The following BAHD1 variants were observed in gnomAD, a reference collection of about 807,000 sequenced individuals.
BAHD1 encodes bromo adjacent homology domain-containing 1 protein.
Under a neutral mutation model 63.1 loss-of-function variants are expected in BAHD1, and 20 were observed. That is an observed-to-expected ratio of 0.32 (90% CI 0.22 to 0.46). The LOEUF (loss-of-function observed/expected upper bound fraction) is 0.46. Among genes scored for constraint, BAHD1 ranks in the 20% least tolerant of loss-of-function variants. The pLI, the probability that BAHD1 is intolerant of heterozygous loss-of-function variation, is 1.00. For missense variants in BAHD1, 939 were observed against 1,071.8 expected (o/e 0.88, Z 1.73); for synonymous variants, 408 against 426.8 (o/e 0.96, Z 0.54).
upstream of BAHD1, among the ~76,000 whole-genome samples, chr15:40,439,492 C>T (rs900712593): frequency 6.6e-6 from 1 of 152,214 alleles, no homozygotes; most frequent in Non-Finnish European, 1.5e-5. Context: ...CCCTCCGAAG[C>T]CCCTGGGCCA....
At chr15:40,443,323 A>C (rs1051950272) in intron 1 of BAHD1, 78 of 985,166 alleles carry the variant, frequency 7.9e-5, no homozygotes, top group Non-Finnish European at 9.3e-5. Flanking sequence ...GCTTGTGAGA[A>C]AGGTAGGTAT....
At chr15:40,449,777 A>G (rs562877614) in intron 1 of BAHD1, among the ~76,000 whole-genome samples, 4 of 151,042 alleles carry the variant, frequency 2.6e-5, no homozygotes, top group African/African-American at 9.7e-5. Context: ...CCACTGCCCT[A>G]CTACTGCAGC....
In BAHD1 at chr15:40,446,980, CT is replaced by C. The variant is rs932750835; in HGVS notation, c.-15+5713del. ...GCAGCCCACACAGACCCTTTTCCAA[CT>C]CTGGTTACCTGTCCACAATGTTTAG... On this transcript the variant is annotated intron_variant, in intron 1 of 6. Transcript: ENST00000416165. Among the ~76,000 whole-genome samples the C allele has an allele frequency of 5.0e-4, 76 of 152,330 alleles. 1 individual carries two copies. Among genetic ancestry groups the C allele is most frequent in the African/African-American group, 1.7e-3 (71 of 41,562 alleles).
At chr15:40,438,951 TCCA>T (rs1893331041), upstream of BAHD1, among the ~76,000 whole-genome samples, 1 of 152,150 alleles carries the variant, frequency 6.6e-6, no homozygotes, top group African/African-American at 2.4e-5. Flanking sequence ...TGCTGTACCC[TCCA>T]CCACCAATCT....
At chr15:40,457,748 G>T (rs1398201403) in intron 1 of BAHD1, among the ~76,000 whole-genome samples, 1 of 152,242 alleles carries the variant, frequency 6.6e-6, no homozygotes, top group Non-Finnish European at 1.5e-5. Context: ...AGTGGCTCAC[G>T]CCTGTAATCC....
At chr15:40,438,430 G>C (rs1346915239), upstream of BAHD1, among the ~76,000 whole-genome samples, 2 of 152,272 alleles carry the variant, frequency 1.3e-5, no homozygotes, top group Admixed American at 6.5e-5. Flanking sequence ...CAGTGAGCTG[G>C]CACAGGAGGA....
Position 40,466,044 on chromosome 15 carries a change from C to G in BAHD1, c.2257C>G (p.Pro753Ala). The G allele has an allele frequency of 6.2e-7, 1 of 1,614,144 alleles. No individual in the cohort carries two copies. Among genetic ancestry groups the G allele is most frequent in the Non-Finnish European group, 8.5e-7 (1 of 1,179,982 alleles). ...DYSTPPHRTV[P>A]EDTDPELVFL... ...TTCCACCCCACCCCACCGCACAGTG[C>G]CAGAGGACACGGACCCTGAGCTGGT... The change falls in exon 7 of 7, where the codon CCA becomes GCA. Residue 753 changes from proline (P) to alanine (A), a missense_variant. Physicochemically the swap from Pro to Ala is conservative, Grantham distance 27 (BLOSUM62 -1). This residue lies in a region of BAHD1 where 68 missense variants were observed against 86.2 expected (regional missense o/e 0.79). Transcript: ENST00000416165.
At position 40,459,800 on chromosome 15, in the gene BAHD1, G is replaced by A. The variant is rs759683131; in HGVS notation, c.1336G>A (p.Val446Met). Residue 446 changes from valine to methionine, a missense_variant, in exon 2 of 7, where the codon GTG becomes ATG. By Grantham distance (21) the Val-to-Met change is conservative. Around this residue, in one of 5 missense-constraint regions of BAHD1, gnomAD observed 797 missense variants for 813.3 expected, o/e 0.98. Coordinates refer to ENST00000416165, the MANE Select transcript of BAHD1 (RefSeq NM_014952.5). ...SRYCSSEDTG[V>M]NGYSICGVLP... ...CTACTGCTCTAGCGAGGACACTGGA[G>A]TGAATGGCTACAGCATCTGCGGAGT... The A allele has an allele frequency of 6.2e-7, 1 of 1,613,672 alleles. No homozygotes were observed.
chr15:40,464,240 G>C, intron 4 of BAHD1: 3 of 665,242 alleles, frequency 4.5e-6, no homozygotes, highest in Non-Finnish European at 7.6e-6. Context: ...AGCCAGCAGA[G>C]CCTGGGCACC....
intron 1 of BAHD1, among the ~76,000 whole-genome samples, chr15:40,441,512 TC>T (rs1555408168): frequency 1.3e-5 from 2 of 150,198 alleles, no homozygotes; most frequent in Non-Finnish European, 3.0e-5. Context: ...GGTCCCGCCA[TC>T]GGGGAACGCG....
Position 40,461,897 on chromosome 15 carries a change from C to T in BAHD1, c.1433-15C>T. The T allele has an allele frequency of 6.3e-7, 1 of 1,576,788 alleles. No individual in the cohort carries two copies. The highest frequency in any genetic ancestry group is 8.6e-7 in the Non-Finnish European group (1 of 1,157,128). On this transcript the variant is annotated splice_polypyrimidine_tract_variant and intron_variant, in intron 2 of 6. Transcript: ENST00000416165. ...CACTGCTTGTCCTGTCCTGACCACTCTCTCCCTTTCCTAGAAGGCTGCAGA... is the reference window on the plus strand; with the variant it reads ...CACTGCTTGTCCTGTCCTGACCACTTTCTCCCTTTCCTAGAAGGCTGCAGA...
chr15:40,450,547 G>C (rs904338598), intron 1 of BAHD1, among the ~76,000 whole-genome samples: 1 of 152,244 alleles, frequency 6.6e-6, no homozygotes, highest in East Asian at 1.9e-4. Context: ...TGCATCAGTA[G>C]CACAAGGTTT....
At chr15:40,456,053 A>C (rs752343607) in intron 1 of BAHD1, among the ~76,000 whole-genome samples, 1 of 151,912 alleles carries the variant, frequency 6.6e-6, no homozygotes, top group East Asian at 1.9e-4. Flanking sequence ...GCTCACTGCA[A>C]CCTCCACCTC....
Position 40,441,092 on chromosome 15 carries a change from C to T in BAHD1, c.-191C>T, listed in dbSNP as rs1566956729. ...CAGGCGCGCCCGCCCCCCCCGACGG[C>T]CCCGCCCGGCCGCGGTCCCCGCTCC... On this transcript the variant is annotated 5_prime_UTR_variant, in exon 1 of 7. Transcript: ENST00000416165. The T allele has an allele frequency of 7.5e-5, 11 of 146,380 alleles. No homozygotes were observed. Among genetic ancestry groups the T allele is most frequent in the Non-Finnish European group, 1.5e-5 (1 of 65,780 alleles). 9.1% of individuals were successfully genotyped at this position (146,380 alleles called of 1,614,324 possible). A position where few individuals can be genotyped will look rare whatever the true frequency, so the allele number is the denominator to read the frequency against.
In BAHD1 at chr15:40,458,782, T is replaced by G. The variant is rs1348079506; in HGVS notation, c.318T>G (p.Ser106Arg). 1.2e-6 allele frequency: 2 copies of G among 1,612,926 alleles called. No individual in the cohort carries two copies. Among genetic ancestry groups the G allele is most frequent in the African/African-American group, 2.7e-5 (2 of 74,890 alleles). Residue 106 changes from serine to arginine, a missense_variant, in exon 2 of 7, where the codon AGT becomes AGG. This residue lies in a region of BAHD1 where 797 missense variants were observed against 813.3 expected (regional missense o/e 0.98). Coordinates refer to ENST00000416165, the MANE Select transcript of BAHD1 (RefSeq NM_014952.5). The surrounding 1 kb of genome is among the most constrained non-coding windows in gnomAD (Gnocchi z 4.7). ...AGCCCCCCAGCCCGGCCCCATCCAGTGAAGACCCTGGCCTTGCCCAGCCCC... is the reference window on the plus strand; with the variant it reads ...AGCCCCCCAGCCCGGCCCCATCCAGGGAAGACCCTGGCCTTGCCCAGCCCC... Reference protein sequence around the residue: ...LPKPPSPAPSSEDPGLAQPRK... With the variant: ...LPKPPSPAPSREDPGLAQPRK...
In BAHD1 at chr15:40,466,182, G is replaced by C; in HGVS notation, c.*52G>C. 6.4e-7 allele frequency: 1 copy of C among 1,562,824 alleles called. No homozygotes were observed. Among genetic ancestry groups the C allele is most frequent in the South Asian group, 1.2e-5 (1 of 84,692 alleles). On this transcript the variant is annotated 3_prime_UTR_variant, in exon 7 of 7. Transcript: ENST00000416165. ...CCATGGGCAAGTGGGGCTCGGGGTAGGGGGCACTGCTTGAAGCACAGCACT... is the reference window on the plus strand; with the variant it reads ...CCATGGGCAAGTGGGGCTCGGGGTACGGGGCACTGCTTGAAGCACAGCACT...
intron 3 of BAHD1, among the ~76,000 whole-genome samples, chr15:40,463,158 A>T (rs1445784737): frequency 1.3e-5 from 2 of 152,186 alleles, no homozygotes; most frequent in Non-Finnish European, 2.9e-5. Flanking sequence ...TTTTTTAATT[A>T]GCCAGGCATG....
At chr15:40,462,342 G>A in intron 3 of BAHD1, 48 bp downstream of exon 3, 1 of 1,555,992 alleles carries the variant, frequency 6.4e-7, no homozygotes, top group Non-Finnish European at 8.7e-7. Context: ...AGGCAGTGGG[G>A]ACACATGACC....
At position 40,465,985 on chromosome 15, in the gene BAHD1, G is replaced by GA; in HGVS notation, c.2201dup (p.Thr735AspfsTer25). ...CGCCGAGGTGAAGGCCTCCCCAGCC[G>GA]AAAGACAGCACTGGTTCCCCCCTCT... is the stretch of plus-strand genomic sequence containing the variant. On this transcript the variant is annotated frameshift_variant, in exon 7 of 7. Transcript: ENST00000416165. LOFTEE classifies it high-confidence loss of function. 6.2e-7 allele frequency: 1 copy of GA among 1,608,612 alleles called. No individual in the cohort carries two copies. Among genetic ancestry groups the GA allele is most frequent in the Non-Finnish European group, 8.5e-7 (1 of 1,177,552 alleles).
Sources: gnomAD v4.1 joint callset for allele counts (sites outside exome capture counted in the v4.1 genomes callset) on GRCh38, gnomAD v4.1.1 for gene constraint, gnomAD v4.1.1 regional missense constraint, Gnocchi (gnomAD v3.1) non-coding constraint, MANE v1.5 for transcripts, NCBI Gene and HGNC (gene_info 2026-07-23, HGNC 2026-07-21) for gene names.